Variants in CD47 observed in about 807,000 individuals in gnomAD.
CD47 encodes the protein CD47 molecule.
Under a neutral mutation model 44.6 loss-of-function variants are expected in CD47, and 11 were observed. That is an observed-to-expected ratio of 0.25 (90% confidence interval 0.16 to 0.41). The LOEUF is 0.41. Among genes scored for constraint, CD47 ranks in the 10% least tolerant of loss-of-function variants. The pLI is 1.00. For missense variants in CD47, 306 were observed against 386.7 expected (o/e 0.79, Z 1.75); for synonymous variants, 140 against 136.3 (o/e 1.03, Z -0.19).
intron 1 of CD47, among the ~76,000 whole-genome samples, chr3:108,090,101 G>T (rs2079601482): frequency 6.6e-6 from 1 of 152,112 alleles, no homozygotes; most frequent in Non-Finnish European, 1.5e-5. Context: ...TATTTCAGGC[G>T]AAAACCAGAT....
intron 2 of CD47, 29 bp from the exon 3 acceptor site, chr3:108,071,211 T>A: frequency 9.7e-7 from 1 of 1,031,236 alleles, no homozygotes; most frequent in Non-Finnish European, 1.4e-6. Context: ...AAAGTCACAA[T>A]TAATATTTAC....
chr3:108,082,249 A>G (rs1560033560), intron 1 of CD47, among the ~76,000 whole-genome samples: 1 of 151,968 alleles, frequency 6.6e-6, no homozygotes, highest in Non-Finnish European at 1.5e-5. Context: ...CCTTTCACTG[A>G]CTTTGACTGG....
At position 108,046,615 on chromosome 3, in the gene CD47, T is replaced by G. The variant is rs972138712; in HGVS notation, c.*673A>C. ...AGGAAAACATATCCATCAATAAAAG[T>G]ACCCTAAATCTGGGAAGGACCTGTT... On this transcript the variant is annotated 3_prime_UTR_variant, in exon 11 of 11. Transcript: ENST00000361309. 16 of 152,524 alleles carry G rather than the reference T, an allele frequency of 1.0e-4. No homozygotes were observed. Among genetic ancestry groups the G allele is most frequent in the African/African-American group, 3.9e-4 (16 of 41,406 alleles). 9.4% of individuals were successfully genotyped at this position (152,524 alleles called of 1,614,324 possible).
intron 1 of CD47, among the ~76,000 whole-genome samples, chr3:108,085,228 C>T (rs2079496734): frequency 6.6e-6 from 1 of 152,098 alleles, no homozygotes; most frequent in Non-Finnish European, 1.5e-5. Context: ...AGCCTCTTAA[C>T]TGTTATACAC....
In CD47 at chr3:108,075,796, G is replaced by T. The variant is rs532108918; in HGVS notation, c.400+4195C>A. On this transcript the variant is annotated intron_variant, in intron 2 of 10. Transcript: ENST00000361309. ...AGAGAGATTATTTTTGAGGGAGAGA[G>T]AGCTGACCTAACCAAGTGGTCTCTT... 3.3e-5 allele frequency among the ~76,000 whole-genome samples: 5 copies of T among 152,310 alleles called. No individual in the cohort carries two copies. In the South Asian group the frequency reaches 1.0e-3, roughly 32 times the overall value.
intron 1 of CD47, among the ~76,000 whole-genome samples, chr3:108,086,736 TTTTTG>T (rs1244705233): frequency 3.9e-5 from 6 of 152,066 alleles, no homozygotes; most frequent in African/African-American, 1.4e-4. Context: ...TTCTTGAGGT[TTTTTG>T]TTTTATTTTT....
At chr3:108,089,200 C>T (rs2079580593) in intron 1 of CD47, among the ~76,000 whole-genome samples, 1 of 152,086 alleles carries the variant, frequency 6.6e-6, no homozygotes, top group Non-Finnish European at 1.5e-5. Context: ...CTGCATAATG[C>T]CTGTATTTTG....
At chr3:108,053,625 T>A (rs891307421) in intron 7 of CD47, 5 of 152,308 alleles carry the variant, frequency 3.3e-5, no homozygotes, top group African/African-American at 1.2e-4. Flanking sequence ...AACACGATGC[T>A]TCAGTTCTTT....
chr3:108,066,537 T>C (rs1250757032), intron 3 of CD47, among the ~76,000 whole-genome samples: 15 of 152,238 alleles, frequency 9.9e-5, no homozygotes, highest in Admixed American at 9.8e-4. Context: ...TGTTGGTGAC[T>C]AGTCACTGTA....
intron 10 of CD47, 44 bp from the exon 11 acceptor site, chr3:108,047,336 T>C (rs1424134108): frequency 2.0e-6 from 3 of 1,527,960 alleles, no homozygotes; most frequent in African/African-American, 1.4e-5. Context: ...TTCGTGTCTA[T>C]TTTCTATCCA....
At position 108,091,000 on chromosome 3, in the gene CD47, G is replaced by A. The variant is rs1330076614; in HGVS notation, c.-92C>T. The A allele has an allele frequency of 5.5e-6, 5 of 902,414 alleles. No individual in the cohort carries two copies. The highest frequency in any genetic ancestry group is 7.6e-6 in the Non-Finnish European group (5 of 659,840). 55.9% of individuals were successfully genotyped at this position (902,414 alleles called of 1,614,324 possible). A position where few individuals can be genotyped will look rare whatever the true frequency, so the allele number is the denominator to read the frequency against. ...TACAGGCAGGACCGACCGCCGCCGCGCGTCACAGGCAGGACCCACTGCCCA... is the reference window on the plus strand; with the variant it reads ...TACAGGCAGGACCGACCGCCGCCGCACGTCACAGGCAGGACCCACTGCCCA... On this transcript the variant is annotated 5_prime_UTR_variant, in exon 1 of 11. Coordinates refer to ENST00000361309, the MANE Select transcript of CD47 (RefSeq NM_001777.4).
At chr3:108,055,492 T>C (rs1174119674) in intron 7 of CD47, 1 of 1,232,114 alleles carries the variant, frequency 8.1e-7, no homozygotes, top group Admixed American at 2.3e-5. Flanking sequence ...TAGTCTACCA[T>C]GTTATCTAAA....
intron 9 of CD47, among the ~76,000 whole-genome samples, chr3:108,049,981 C>T (rs530148846): frequency 2.6e-5 from 4 of 152,222 alleles, no homozygotes; most frequent in African/African-American, 9.6e-5. Context: ...CTAGGGGGTG[C>T]CATGCTTCGT....
Position 108,090,878 on chromosome 3 carries a change from C to A in CD47, c.31G>T (p.Gly11Cys), listed in dbSNP as rs1205124677. Residue 11 changes from glycine (G) to cysteine (C), a missense_variant, in exon 1 of 11, where the codon GGC becomes TGC. Physicochemically the swap from Gly to Cys is radical, Grantham distance 159. This residue lies in a region of CD47 where 38 missense variants were observed against 42.7 expected (regional missense o/e 0.89). Transcript: ENST00000361309. ...AGCCACTCACCGCAGCACGCCGAGCCCAGCAACAGCGCCGCTACCAGGGGC... is the reference window on the plus strand; with the variant it reads ...AGCCACTCACCGCAGCACGCCGAGCACAGCAACAGCGCCGCTACCAGGGGC... MWPLVAALLL[G>C]SACCGSAQLL... 4.0e-6 allele frequency: 6 copies of A among 1,492,476 alleles called. No homozygotes were observed. Among genetic ancestry groups the A allele is most frequent in the African/African-American group, 1.5e-5 (1 of 68,596 alleles). 92.5% of individuals were successfully genotyped at this position (1,492,476 alleles called of 1,614,324 possible).
intron 3 of CD47, among the ~76,000 whole-genome samples, chr3:108,070,121 T>A (rs1014983225): frequency 1.3e-5 from 2 of 152,210 alleles, no homozygotes; most frequent in Non-Finnish European, 2.9e-5. Flanking sequence ...CCCTTCCATG[T>A]TTATACACCA....
chr3:108,081,248 C>T (rs780918657), intron 1 of CD47, among the ~76,000 whole-genome samples: 1 of 151,956 alleles, frequency 6.6e-6, no homozygotes. Context: ...AATGTAATCA[C>T]TCATTGTTCA....
At chr3:108,087,300 T>C (rs2079539931) in intron 1 of CD47, among the ~76,000 whole-genome samples, 1 of 151,802 alleles carries the variant, frequency 6.6e-6, no homozygotes, top group Non-Finnish European at 1.5e-5. Context: ...TGGGGTAGAG[T>C]GGGGTGTCCA....
intron 6 of CD47, 36 bp downstream of exon 6, chr3:108,058,301 T>C (rs369248120): frequency 2.4e-6 from 3 of 1,238,388 alleles, no homozygotes; most frequent in African/African-American, 1.6e-5. Context: ...TGTCCAAAAG[T>C]AACCCAAATT....
chr3:108,089,807 T>C (rs1379650027), intron 1 of CD47, among the ~76,000 whole-genome samples: 1 of 152,180 alleles, frequency 6.6e-6, no homozygotes, highest in Non-Finnish European at 1.5e-5. Context: ...TTTAGCATTC[T>C]AGAATAAATG....
Sources: gnomAD v4.1 joint callset for allele counts (sites outside exome capture counted in the v4.1 genomes callset) on GRCh38, gnomAD v4.1.1 for gene constraint, gnomAD v4.1.1 regional missense constraint, MANE v1.5 for transcripts, NCBI Gene and HGNC (gene_info 2026-07-23, HGNC 2026-07-21) for gene names.